The following CHAMP1 variants were observed in gnomAD, a reference collection of about 807,000 sequenced individuals.
CHAMP1 encodes the protein chromosome alignment maintaining phosphoprotein 1, also known as chromosome alignment-maintaining phosphoprotein 1.
In CHAMP1, 4 loss-of-function variants were observed where a neutral mutation model predicts 54.5. The ratio of observed to expected loss-of-function variants is 0.07; its 90% CI spans 0.04 to 0.17. The LOEUF is 0.17. CHAMP1 is among the 10% of genes least tolerant of loss of function. The pLI is 1.00. For missense variants in CHAMP1, 994 were observed against 968.6 expected (o/e 1.03, Z -0.35); for synonymous variants, 368 against 342.2 (o/e 1.08, Z -0.83).
Position 114,324,280 on chromosome 13 carries a change from A to C in CHAMP1, c.438A>C (p.Pro146=), listed in dbSNP as rs1218918212. The change falls in exon 3 of 3, where the codon CCA becomes CCC. Residue 146 remains proline, a synonymous_variant. Transcript: ENST00000361283. ...KLGSVLSPES[P]KPTPLTPLEP... ...GTTCAGTTTTGTCTCCAGAATCGCC[A>C]AAACCTACTCCTCTTACTCCCCTGG... 4 of 1,614,034 alleles carry C rather than the reference A, an allele frequency of 2.5e-6. No individual in the cohort carries two copies. Among genetic ancestry groups the C allele is most frequent in the Non-Finnish European group, 3.4e-6 (4 of 1,180,016 alleles).
chr13:114,318,263 G>C (rs1318369221), intron 1 of CHAMP1, among the ~76,000 whole-genome samples: 1 of 151,822 alleles, frequency 6.6e-6, no homozygotes, highest in Non-Finnish European at 1.5e-5. Flanking sequence ...AAAATGAAGA[G>C]GTTGAACTCA....
intron 2 of CHAMP1, chr13:114,322,325 C>G (rs1216863078): frequency 1.3e-5 from 2 of 152,194 alleles, no homozygotes; most frequent in African/African-American, 4.8e-5. Context: ...GCATGAGCCA[C>G]TGCGCCCAGC....
In CHAMP1 at chr13:114,325,506, G is replaced by A. The variant is rs142125006; in HGVS notation, c.1664G>A (p.Arg555Gln). The A allele has an allele frequency of 9.9e-4, 1,591 of 1,613,872 alleles. 3 individuals carry two copies. The highest frequency in any genetic ancestry group is 1.3e-3 in the Non-Finnish European group (1,483 of 1,180,036). The change falls in exon 3 of 3, where the codon CGG becomes CAG. Residue 555 changes from arginine (R) to glutamine (Q), a missense_variant. Physicochemically the swap from Arg to Gln is conservative, Grantham distance 43. This residue lies in a region of CHAMP1 where 851 missense variants were observed against 701.3 expected (regional missense o/e 1.21). Transcript: ENST00000361283. Reference protein sequence around the residue: ...ARKRALFPEPRKHALFPELPK... With the variant: ...ARKRALFPEPQKHALFPELPK... ...AAACGTGCCCTTTTTCCAGAGCCCCGGAAGCATGCCCTTTTCCCTGAACTC... is the reference window on the plus strand; with the variant it reads ...AAACGTGCCCTTTTTCCAGAGCCCCAGAAGCATGCCCTTTTCCCTGAACTC...
chr13:114,320,570 G>A (rs1208676389), intron 1 of CHAMP1, among the ~76,000 whole-genome samples: 7 of 152,148 alleles, frequency 4.6e-5, no homozygotes, highest in Admixed American at 4.6e-4. Flanking sequence ...TTACACACAC[G>A]GGCATAATTC....
At chr13:114,315,193 A>G (rs1484442414) in intron 1 of CHAMP1, among the ~76,000 whole-genome samples, 1 of 152,198 alleles carries the variant, frequency 6.6e-6, no homozygotes, top group Non-Finnish European at 1.5e-5. Flanking sequence ...ATCACTAACC[A>G]TTAAGGAAAT....
At chr13:114,316,177 TA>T (rs573541067) in intron 1 of CHAMP1, among the ~76,000 whole-genome samples, 72 of 152,000 alleles carry the variant, frequency 4.7e-4, no homozygotes, top group African/African-American at 1.7e-3. Context: ...TTTTGTTTTT[TA>T]ATGAGCCAGA....
At chr13:114,315,659 C>T (rs1189389063) in intron 1 of CHAMP1, among the ~76,000 whole-genome samples, 2 of 152,102 alleles carry the variant, frequency 1.3e-5, no homozygotes, top group Non-Finnish European at 1.5e-5. Context: ...CCCCCTCAGG[C>T]ACAGAATTGA....
At position 114,326,489 on chromosome 13, in the gene CHAMP1, G is replaced by T. The variant is rs1293978430; in HGVS notation, c.*208G>T. On this transcript the variant is annotated 3_prime_UTR_variant, in exon 3 of 3. Coordinates refer to ENST00000361283, the MANE Select transcript of CHAMP1 (RefSeq NM_032436.4). ...CTATCTTGTAAGTCAATAAATTTCTGTATAGTCCAGATGGATTAAACTTCT... is the reference window on the plus strand; with the variant it reads ...CTATCTTGTAAGTCAATAAATTTCTTTATAGTCCAGATGGATTAAACTTCT... 3 of 512,272 alleles carry T rather than the reference G, an allele frequency of 5.9e-6. No individual in the cohort carries two copies. Among genetic ancestry groups the T allele is most frequent in the Non-Finnish European group, 6.8e-6 (2 of 292,792 alleles). The allele number at this position is 512,272 out of a possible 1,614,324, so 31.7% of individuals were successfully genotyped here. A position where few individuals can be genotyped will look rare whatever the true frequency, so the allele number is the denominator to read the frequency against.
At chr13:114,319,897 G>A (rs1555378925) in intron 1 of CHAMP1, among the ~76,000 whole-genome samples, 3 of 152,216 alleles carry the variant, frequency 2.0e-5, no homozygotes, top group African/African-American at 7.2e-5. Flanking sequence ...ATGTGGGCCA[G>A]TATTTTGAGA....
intron 2 of CHAMP1, chr13:114,322,041 T>A (rs1270673436): frequency 6.8e-6 from 1 of 146,030 alleles, no homozygotes; most frequent in Non-Finnish European, 1.5e-5. Flanking sequence ...TGTTAATTTT[T>A]TTTTTTTTTT....
Position 114,325,342 on chromosome 13 carries a change from T to C in CHAMP1, c.1500T>C (p.Gly500=), listed in dbSNP as rs782313622. The change falls in exon 3 of 3, where the codon GGT becomes GGC. Residue 500 remains glycine (G), a synonymous_variant. Transcript: ENST00000361283. ...KPVFPETRKP[G]PSGPSESPKA... ...TCTTCCCTGAGACCCGAAAACCAGG[T>C]CCTTCTGGGCCATCTGAGTCCCCCA... The C allele has an allele frequency of 6.2e-7, 1 of 1,614,096 alleles. No individual in the cohort carries two copies. The highest frequency in any genetic ancestry group is 1.1e-5 in the South Asian group (1 of 91,072).
intron 1 of CHAMP1, among the ~76,000 whole-genome samples, chr13:114,318,814 A>T (rs2087132093): frequency 8.0e-6 from 1 of 124,900 alleles, no homozygotes; most frequent in Non-Finnish European, 1.7e-5. Context: ...TTATTTGTAA[A>T]TGACTTTTTT....
At position 114,325,936 on chromosome 13, in the gene CHAMP1, T is replaced by A; in HGVS notation, c.2094T>A (p.Ile698=). 1 of 1,614,156 alleles carries A rather than the reference T, an allele frequency of 6.2e-7. No homozygotes were observed. Among genetic ancestry groups the A allele is most frequent in the Non-Finnish European group, 8.5e-7 (1 of 1,180,024 alleles). ...EKEAFISEEE[I]AKYMKRGKGK... ...AAGCTTTTATCTCTGAAGAGGAGATTGCAAAATACATGAAGCGTGGAAAAG... is the reference window on the plus strand; with the variant it reads ...AAGCTTTTATCTCTGAAGAGGAGATAGCAAAATACATGAAGCGTGGAAAAG... The change falls in exon 3 of 3, where the codon ATT becomes ATA. Residue 698 remains isoleucine (I), a synonymous_variant. Coordinates refer to ENST00000361283, the MANE Select transcript of CHAMP1 (RefSeq NM_032436.4).
In CHAMP1 at chr13:114,325,486, T is replaced by G; in HGVS notation, c.1644T>G (p.Arg548=). The part of the protein sequence containing the change: ...APPASPEARK[R]ALFPEPRKHA... The stretch of plus-strand genomic sequence containing the variant: ...CTGCTTCTCCAGAAGCACGCAAACG[T>G]GCCCTTTTTCCAGAGCCCCGGAAGC... Residue 548 remains arginine (R), a synonymous_variant, in exon 3 of 3, where the codon CGT becomes CGG. Transcript: ENST00000361283. 1 of 1,614,152 alleles carries G rather than the reference T, an allele frequency of 6.2e-7. No homozygotes were observed. Among genetic ancestry groups the G allele is most frequent in the African/African-American group, 1.3e-5 (1 of 75,038 alleles).
In CHAMP1 at chr13:114,325,542, C is replaced by T. The variant is rs1427058532; in HGVS notation, c.1700C>T (p.Ala567Val). ...CTTTTCCCTGAACTCCCCAAATCTGCTCTATTCTCAGAATCACAGAAGGCT... is the reference window on the plus strand; with the variant it reads ...CTTTTCCCTGAACTCCCCAAATCTGTTCTATTCTCAGAATCACAGAAGGCT... ...HALFPELPKSALFSESQKAVE... is the reference protein window; with the variant it reads ...HALFPELPKSVLFSESQKAVE... The change falls in exon 3 of 3, where the codon GCT (alanine) becomes GTT (valine). Residue 567 changes from alanine (A) to valine (V), a missense_variant. By Grantham distance (64) the Ala-to-Val change is moderately conservative. This residue lies in a region of CHAMP1 where 851 missense variants were observed against 701.3 expected (regional missense o/e 1.21). Coordinates refer to ENST00000361283, the MANE Select transcript of CHAMP1 (RefSeq NM_032436.4). 1.2e-6 allele frequency: 2 copies of T among 1,614,072 alleles called. No individual in the cohort carries two copies. The highest frequency in any genetic ancestry group is 8.5e-7 in the Non-Finnish European group (1 of 1,180,050).
At chr13:114,320,820 GT>G (rs1255204794) in intron 1 of CHAMP1, among the ~76,000 whole-genome samples, 1 of 152,070 alleles carries the variant, frequency 6.6e-6, no homozygotes, top group Non-Finnish European at 1.5e-5. Flanking sequence ...GCCGGGCGTG[GT>G]GGCGGGCGCC....
At position 114,315,383 on chromosome 13, in the gene CHAMP1, C is replaced by T. The variant is rs116647240; in HGVS notation, c.-179+740C>T. ...GTCGTTCCTCAGTTCTAGGTTTATA[C>T]CCCCAAAAATTGACAGCAGAGACTC... On this transcript the variant is annotated intron_variant, in intron 1 of 2. Transcript: ENST00000361283. Among the ~76,000 whole-genome samples the T allele has an allele frequency of 3.2e-3, 482 of 152,212 alleles. 3 individuals carry two copies. The highest frequency in any genetic ancestry group is 0.011 in the African/African-American group (460 of 41,516).
chr13:114,318,496 G>A (rs566381075), intron 1 of CHAMP1, among the ~76,000 whole-genome samples: 1 of 152,036 alleles, frequency 6.6e-6, no homozygotes, highest in South Asian at 2.1e-4. Context: ...GCTAATTTTT[G>A]TATGTTTTGT....
chr13:114,316,540 A>G (rs945055402), intron 1 of CHAMP1, among the ~76,000 whole-genome samples: 1 of 151,468 alleles, frequency 6.6e-6, no homozygotes, highest in Non-Finnish European at 1.5e-5. Flanking sequence ...CAGTGAGCCG[A>G]GATTGCGCCA....
Sources: allele counts gnomAD v4.1 joint callset (sites outside exome capture counted in the v4.1 genomes callset), GRCh38; gene constraint gnomAD v4.1.1; regional missense constraint gnomAD v4.1.1; transcripts MANE v1.5; gene names NCBI Gene and HGNC (gene_info 2026-07-23, HGNC 2026-07-21).